QTMAN: variants seen among roughly 807,000 people sequenced by gnomAD.
QTMAN encodes tRNA-queuosine alpha-mannosyltransferase.
chr2:144,090,647 C>G, the QTMAN span, among the ~76,000 whole-genome samples: 1 of 151,844 alleles, frequency 6.6e-6, no homozygotes, highest in South Asian at 2.1e-4. Flanking sequence ...AAGTATACAT[C>G]AAACAAAAGA....
chr2:144,136,395 A>AAAAGG, the QTMAN span, among the ~76,000 whole-genome samples: 15,420 of 97,054 alleles, frequency 0.16, 1,381 homozygotes, highest in Middle Eastern at 0.27. Flanking sequence ...AAGGAAAAGG[A>AAAAGG]AAAGGAAAGG....
chr2:143,980,917 A>C, the QTMAN span, among the ~76,000 whole-genome samples: 1 of 152,044 alleles, frequency 6.6e-6, no homozygotes. Flanking sequence ...TATTTCCATC[A>C]TTCTCATCCT....
the QTMAN span, among the ~76,000 whole-genome samples, chr2:143,950,400 T>A: frequency 6.6e-6 from 1 of 151,776 alleles, no homozygotes; most frequent in East Asian, 1.9e-4. Flanking sequence ...CAACTGGACA[T>A]CTGCTTTCTT....
At chr2:144,252,301 G>C in the QTMAN span, among the ~76,000 whole-genome samples, 1 of 152,124 alleles carries the variant, frequency 6.6e-6, no homozygotes, top group Non-Finnish European at 1.5e-5. Context: ...CTGGAGCCCA[G>C]GAATTTGAGG....
At chr2:144,133,691 T>C in the QTMAN span, among the ~76,000 whole-genome samples, 1 of 147,994 alleles carries the variant, frequency 6.8e-6, no homozygotes, top group Non-Finnish European at 1.5e-5. Context: ...ATATTAGATA[T>C]AAAGGAGATT....
chr2:144,002,118 A>G, the QTMAN span, among the ~76,000 whole-genome samples: 2 of 151,960 alleles, frequency 1.3e-5, no homozygotes, highest in African/African-American at 4.8e-5. Flanking sequence ...CCTTAACACA[A>G]TTCAAGGCAA....
the QTMAN span, among the ~76,000 whole-genome samples, chr2:143,969,068 A>G: frequency 6.7e-6 from 1 of 149,354 alleles, no homozygotes; most frequent in African/African-American, 2.5e-5. Flanking sequence ...ATACCAACTT[A>G]CTTACTAAGT....
the QTMAN span, among the ~76,000 whole-genome samples, chr2:144,059,286 C>T: frequency 6.6e-6 from 1 of 152,198 alleles, no homozygotes; most frequent in African/African-American, 2.4e-5. Flanking sequence ...TCAACTCCTA[C>T]ACATCCTTTA....
chr2:144,213,822 C>T, the QTMAN span, among the ~76,000 whole-genome samples: 1 of 152,130 alleles, frequency 6.6e-6, no homozygotes, highest in East Asian at 1.9e-4. Context: ...GAAAGTGAAA[C>T]TTGAGCGGTA....
chr2:144,029,976 C>T, the QTMAN span, among the ~76,000 whole-genome samples: 1 of 152,132 alleles, frequency 6.6e-6, no homozygotes, highest in Admixed American at 6.5e-5. Flanking sequence ...TCATAGATTT[C>T]ACCTAATTTC....
At chr2:144,010,017 T>C in the QTMAN span, among the ~76,000 whole-genome samples, 1 of 113,844 alleles carries the variant, frequency 8.8e-6, no homozygotes, top group Non-Finnish European at 1.8e-5. Flanking sequence ...GCAAGCTTAA[T>C]AAGGATTTTA....
At chr2:144,318,623 C>T in the QTMAN span, among the ~76,000 whole-genome samples, 2 of 152,110 alleles carry the variant, frequency 1.3e-5, no homozygotes, top group Admixed American at 6.5e-5. Flanking sequence ...AGCAGGATGG[C>T]GATGTTAGTT....
At chr2:144,251,041 A>C in the QTMAN span, among the ~76,000 whole-genome samples, 2 of 152,258 alleles carry the variant, frequency 1.3e-5, no homozygotes, top group Non-Finnish European at 2.9e-5. Context: ...TGAACTTATA[A>C]TGAGCCATTT....
chr2:144,182,828 AAT>A, the QTMAN span, among the ~76,000 whole-genome samples: 170 of 67,186 alleles, frequency 2.5e-3, 7 homozygotes, highest in South Asian at 5.1e-3. Context: ...TTATATATAT[AAT>A]ATATATATAT....
the QTMAN span, among the ~76,000 whole-genome samples, chr2:144,264,101 C>T: frequency 1.3e-5 from 2 of 152,026 alleles, no homozygotes; most frequent in Non-Finnish European, 2.9e-5. Context: ...GTCTGCAAGC[C>T]TTCGTACCTC....
chr2:144,106,399 G>A, the QTMAN span, among the ~76,000 whole-genome samples: 1 of 152,100 alleles, frequency 6.6e-6, no homozygotes, highest in Non-Finnish European at 1.5e-5. Flanking sequence ...CAAAATAAAG[G>A]GATGGAGGAA....
the QTMAN span, among the ~76,000 whole-genome samples, chr2:144,043,815 A>G: frequency 6.6e-6 from 1 of 152,158 alleles, no homozygotes; most frequent in African/African-American, 2.4e-5. Context: ...ATTTTTGTAG[A>G]TGGTAAAAAG....
the QTMAN span, among the ~76,000 whole-genome samples, chr2:144,249,319 T>A: frequency 6.6e-6 from 1 of 152,218 alleles, no homozygotes; most frequent in African/African-American, 2.4e-5. Context: ...AAAAAGATTC[T>A]ACTATCCCAT....
At chr2:144,224,441 C>T in the QTMAN span, among the ~76,000 whole-genome samples, 2 of 152,116 alleles carry the variant, frequency 1.3e-5, no homozygotes, top group Non-Finnish European at 2.9e-5. Context: ...GCAAATGGGA[C>T]TCTTATCACA....
Sources: gnomAD v4.1 joint callset for allele counts (sites outside exome capture counted in the v4.1 genomes callset) on GRCh38, gnomAD v4.1.1 for gene constraint, MANE v1.5 for transcripts, NCBI Gene and HGNC (gene_info 2026-07-23, HGNC 2026-07-21) for gene names.